The following KDM4C variants were observed in gnomAD, a reference collection of about 807,000 sequenced individuals.
KDM4C encodes lysine demethylase 4C.
Under a neutral mutation model 129.3 loss-of-function variants are expected in KDM4C, and 81 were observed. The ratio of observed to expected loss-of-function variants is 0.63; its 90% CI spans 0.52 to 0.75. KDM4C has a LOEUF of 0.75. Ranked by LOEUF, KDM4C falls within the 30% of genes least tolerant of loss-of-function variation. The pLI, the probability that KDM4C is intolerant of heterozygous loss-of-function variation, is 0.00. For synonymous variants in KDM4C, 573 were observed against 456.1 expected (o/e 1.26, Z -3.26); for missense variants, 1,457 against 1,304.0 (o/e 1.12, Z -1.81).
chr9:6,728,935 G>A (rs1189579473), intron 1 of KDM4C, among the ~76,000 whole-genome samples: 4 of 151,970 alleles, frequency 2.6e-5, no homozygotes, highest in African/African-American at 7.2e-5. Context: ...GCTGGGCGCG[G>A]TGGTTCACGC....
At chr9:6,843,895 G>T (rs1371227532) in intron 4 of KDM4C, among the ~76,000 whole-genome samples, 1 of 152,098 alleles carries the variant, frequency 6.6e-6, no homozygotes, top group Non-Finnish European at 1.5e-5. Flanking sequence ...CTGTTGCCTA[G>T]GCTGGAGTGC....
intron 17 of KDM4C, chr9:7,077,076 C>T: frequency 2.0e-6 from 2 of 985,498 alleles, no homozygotes; most frequent in Non-Finnish European, 2.4e-6. Context: ...AAAACTATCA[C>T]TCATTCATCA....
chr9:6,850,376 C>G (rs7018851), intron 5 of KDM4C, among the ~76,000 whole-genome samples: 1 of 152,018 alleles, frequency 6.6e-6, no homozygotes, highest in South Asian at 2.1e-4. Context: ...GAGTGAAGAG[C>G]TGACTTCCTG....
At chr9:7,163,889 TG>T (rs1351215108) in intron 19 of KDM4C, among the ~76,000 whole-genome samples, 2 of 152,184 alleles carry the variant, frequency 1.3e-5, no homozygotes, top group Non-Finnish European at 2.9e-5. Flanking sequence ...TTTTTTTCTT[TG>T]CTTTAGCTCC....
At chr9:6,990,574 A>G (rs991773752) in intron 12 of KDM4C, 50 bp downstream of exon 12, 15 of 1,234,132 alleles carry the variant, frequency 1.2e-5, no homozygotes, top group African/African-American at 3.1e-5. Context: ...TTGGTGTGTA[A>G]AACAAACTAT....
At chr9:6,834,455 C>T in intron 4 of KDM4C, 1 of 508,350 alleles carries the variant, frequency 2.0e-6, no homozygotes, top group Non-Finnish European at 3.8e-6. Context: ...ACCAGCTCAC[C>T]ATAGATGATG....
intron 5 of KDM4C, among the ~76,000 whole-genome samples, chr9:6,866,391 T>C (rs941361569): frequency 1.3e-5 from 2 of 152,140 alleles, no homozygotes; most frequent in African/African-American, 4.8e-5. Flanking sequence ...CCCCCTGTCC[T>C]GAATGGGGTA....
chr9:7,159,363 A>T (rs1372873933), intron 19 of KDM4C, among the ~76,000 whole-genome samples: 1 of 152,192 alleles, frequency 6.6e-6, no homozygotes, highest in East Asian at 1.9e-4. Context: ...TGTGAATTTG[A>T]TCCTGTCATT....
At chr9:6,952,728 A>G (rs986225617) in intron 8 of KDM4C, among the ~76,000 whole-genome samples, 1 of 152,168 alleles carries the variant, frequency 6.6e-6, no homozygotes, top group Non-Finnish European at 1.5e-5. Context: ...GGTGTGAGCC[A>G]CTGTGCCCGG....
intron 1 of KDM4C, among the ~76,000 whole-genome samples, chr9:6,790,365 C>G (rs767183893): frequency 6.6e-5 from 10 of 151,340 alleles, no homozygotes; most frequent in Non-Finnish European, 1.0e-4. Context: ...CTGCCTCAGC[C>G]TCCTGAGTAA....
intron 4 of KDM4C, among the ~76,000 whole-genome samples, chr9:6,845,799 T>C (rs1281773651): frequency 4.6e-5 from 7 of 152,180 alleles, no homozygotes. Flanking sequence ...TGAATATTGC[T>C]CATGTGCCTG....
intron 8 of KDM4C, among the ~76,000 whole-genome samples, chr9:6,930,076 G>A (rs1028235780): frequency 6.6e-6 from 1 of 152,086 alleles, no homozygotes; most frequent in African/African-American, 2.4e-5. Context: ...TTTTAGTTTG[G>A]CAGAGGAGAA....
intron 1 of KDM4C, among the ~76,000 whole-genome samples, chr9:6,776,930 A>G (rs1823200980): frequency 6.6e-6 from 1 of 152,094 alleles, no homozygotes; most frequent in African/African-American, 2.4e-5. Context: ...GGCTTCTCCT[A>G]CTGTGCCCAT....
At chr9:6,865,070 G>A (rs1249752021) in intron 5 of KDM4C, among the ~76,000 whole-genome samples, 2 of 142,804 alleles carry the variant, frequency 1.4e-5, no homozygotes, top group South Asian at 2.2e-4. Context: ...GTGCAGTGAC[G>A]CGATCTCGGC....
chr9:7,059,290 A>G (rs1349394223), intron 17 of KDM4C, among the ~76,000 whole-genome samples: 1 of 152,040 alleles, frequency 6.6e-6, no homozygotes, highest in Admixed American at 6.6e-5. Context: ...TTTGGTAAAG[A>G]TGAGGTCTGA....
At chr9:7,027,115 A>G (rs1400687467) in intron 15 of KDM4C, among the ~76,000 whole-genome samples, 3 of 151,882 alleles carry the variant, frequency 2.0e-5, no homozygotes, top group East Asian at 1.9e-4. Flanking sequence ...ACTTGGTGAG[A>G]TCATGTTTTC....
At chr9:7,170,450 T>A (rs953026009) in intron 21 of KDM4C, 23 of 986,758 alleles carry the variant, frequency 2.3e-5, no homozygotes, top group Admixed American at 6.1e-5. Flanking sequence ...AGCAGTTTTT[T>A]AAAAAGGAAA....
At chr9:6,859,391 C>G (rs1465091697) in intron 5 of KDM4C, among the ~76,000 whole-genome samples, 1 of 145,356 alleles carries the variant, frequency 6.9e-6, no homozygotes, top group Non-Finnish European at 1.5e-5. Flanking sequence ...AGGAGAATCA[C>G]TTGAACCAGG....
At chr9:6,933,194 A>G (rs908476060) in intron 8 of KDM4C, among the ~76,000 whole-genome samples, 2 of 152,230 alleles carry the variant, frequency 1.3e-5, no homozygotes, top group African/African-American at 4.8e-5. Flanking sequence ...GAATTTTTCT[A>G]TGGGAACAAT....
Sources: allele counts gnomAD v4.1 joint callset (sites outside exome capture counted in the v4.1 genomes callset), GRCh38; gene constraint gnomAD v4.1.1; transcripts MANE v1.5; gene names NCBI Gene and HGNC (gene_info 2026-07-23, HGNC 2026-07-21).